CLIP1: variants seen among roughly 807,000 people sequenced by gnomAD.
CLIP1 encodes CAP-Gly domain containing linker protein 1, also known as CAP-Gly domain-containing linker protein 1.
A neutral mutation model predicts 161.6 loss-of-function variants in CLIP1; 66 were observed. The observed-to-expected ratio is 0.41, with a 90% confidence interval of 0.33 to 0.50. The LOEUF (loss-of-function observed/expected upper bound fraction) is 0.50, where lower values mean the gene tolerates loss of function less well. Ranked by LOEUF, CLIP1 falls within the 20% of genes least tolerant of loss-of-function variation. The pLI, the probability that CLIP1 is intolerant of heterozygous loss-of-function variation, is 0.27. For missense variants in CLIP1, 1,376 were observed against 1,702.0 expected (o/e 0.81, Z 3.37); for synonymous variants, 598 against 626.2 (o/e 0.96, Z 0.67).
intron 10 of CLIP1, among the ~76,000 whole-genome samples, chr12:122,345,454 C>A (rs1459598625): frequency 6.6e-6 from 1 of 152,014 alleles, no homozygotes; most frequent in Non-Finnish European, 1.5e-5. Flanking sequence ...AAACACCATG[C>A]CTGGCCCACT....
chr12:122,278,731 AG>A, intron 23 of CLIP1, 60 bp downstream of exon 23: 8 of 1,498,544 alleles, frequency 5.3e-6, no homozygotes, highest in Non-Finnish European at 6.2e-6. Context: ...CATCTCTACT[AG>A]AAAGGGCTCC....
chr12:122,331,882 C>A (rs145913229), intron 15 of CLIP1, among the ~76,000 whole-genome samples: 19 of 152,034 alleles, frequency 1.2e-4, no homozygotes, highest in African/African-American at 4.1e-4. Context: ...GTAGTCCCAG[C>A]TACTAGGGAG....
intron 20 of CLIP1, among the ~76,000 whole-genome samples, chr12:122,302,598 G>A (rs1047489050): frequency 3.3e-5 from 5 of 151,580 alleles, no homozygotes; most frequent in East Asian, 1.9e-4. Flanking sequence ...TTACACACAC[G>A]CACACACACA....
At chr12:122,295,756 C>G (rs980584332) in intron 20 of CLIP1, among the ~76,000 whole-genome samples, 2 of 152,178 alleles carry the variant, frequency 1.3e-5, no homozygotes, top group Non-Finnish European at 2.9e-5. Context: ...CTTTTTAATT[C>G]TGTCAGTTTT....
In CLIP1 at chr12:122,355,969, GCTCTT is replaced by G. The variant is rs1490514417; in HGVS notation, c.1006-662_1006-658del. The G allele has an allele frequency of 6.6e-6, 1 of 152,248 alleles. No homozygotes were observed. Among genetic ancestry groups the G allele is most frequent in the Non-Finnish European group, 1.5e-5 (1 of 68,050 alleles). The allele number at this position is 152,248 out of a possible 1,614,324, so 9.4% of individuals were successfully genotyped here. A position where few individuals can be genotyped will look rare whatever the true frequency, so the allele number is the denominator to read the frequency against. On this transcript the variant is annotated intron_variant, in intron 5 of 25. Coordinates refer to ENST00000620786, the MANE Select transcript of CLIP1 (RefSeq NM_001247997.2). The surrounding 1 kb of genome is among the most constrained non-coding windows in gnomAD (Gnocchi z 4.1). Reference sequence around the variant, plus strand: ...GAGCTGCTGCAGCTGTCGCCTGAAAGCTCTTCTCTTCATCGGTTTCCCTAGGCCCT... The same window carrying G: ...GAGCTGCTGCAGCTGTCGCCTGAAAGCTCTTCATCGGTTTCCCTAGGCCCT...
chr12:122,398,302 G>A (rs903066864), intron 1 of CLIP1, among the ~76,000 whole-genome samples: 1 of 150,398 alleles, frequency 6.6e-6, no homozygotes, highest in Non-Finnish European at 1.5e-5. Context: ...GGTGGCAGGC[G>A]CCTGTAATAC....
At position 122,354,318 on chromosome 12, in the gene CLIP1, C is replaced by T. The variant is rs1593142002; in HGVS notation, c.1307+135G>A. 1.3e-5 allele frequency: 7 copies of T among 557,116 alleles called. No individual in the cohort carries two copies. The East Asian group carries it at 2.5e-4, about 20-fold the overall frequency. The allele number at this position is 557,116 out of a possible 1,614,324, so 34.5% of individuals were successfully genotyped here. ...GCTGAGGCAGGAGAATTGCTTGAAC[C>T]TGGGAGGCAGAGGTTGTAGTGAGCT... is the stretch of plus-strand genomic sequence containing the variant. On this transcript the variant is annotated intron_variant, in intron 7 of 25. Transcript: ENST00000620786.
At chr12:122,388,520 T>G (rs942396220) in intron 1 of CLIP1, among the ~76,000 whole-genome samples, 2 of 151,808 alleles carry the variant, frequency 1.3e-5, no homozygotes, top group African/African-American at 2.4e-5. Context: ...CCCGGCCAAC[T>G]ATCTGTATTT....
rs563420289 is a variant in CLIP1, at chr12:122,345,631, A to T, written c.1506+1744T>A. Among the ~76,000 whole-genome samples, 40 of 152,262 alleles carry T rather than the reference A, an allele frequency of 2.6e-4. 1 individual carries two copies. The highest frequency in any genetic ancestry group is 9.6e-4 in the African/African-American group (40 of 41,554). On this transcript the variant is annotated intron_variant, in intron 10 of 25. Coordinates refer to ENST00000620786, the MANE Select transcript of CLIP1 (RefSeq NM_001247997.2). ...AGAGAAATTTCTACAAACACTAGAA[A>T]TTTTTTTAAAAATCAGGATAGCAAA...
In CLIP1 at chr12:122,379,215, G is replaced by A. The variant is rs1173882096; in HGVS notation, c.85+1153C>T. ...CCCAGCTACTCTGGAGGCTGAGGCA[G>A]GAGAATCGCTTGAACCTGGGAGGTG... On this transcript the variant is annotated intron_variant, in intron 2 of 25. Transcript: ENST00000620786. Among the ~76,000 whole-genome samples, 14 of 152,094 alleles carry A rather than the reference G, an allele frequency of 9.2e-5. No individual in the cohort carries two copies. In the East Asian group the frequency reaches 2.7e-3, roughly 29 times the overall value.
At chr12:122,327,371 T>G (rs951768357) in intron 17 of CLIP1, among the ~76,000 whole-genome samples, 4 of 152,152 alleles carry the variant, frequency 2.6e-5, no homozygotes, top group African/African-American at 9.7e-5. Flanking sequence ...CTCTATCTAC[T>G]AACAAGGTGT....
intron 1 of CLIP1, among the ~76,000 whole-genome samples, chr12:122,386,466 A>G (rs978531251): frequency 1.3e-5 from 2 of 152,210 alleles, no homozygotes; most frequent in African/African-American, 4.8e-5. Context: ...CAGGTACACC[A>G]TTGTTATGGA....
chr12:122,313,181 A>C lies in CLIP1; in HGVS notation c.3474-3299T>G, dbSNP rs113463427. Among the ~76,000 whole-genome samples, 48 of 152,308 alleles carry C rather than the reference A, an allele frequency of 3.2e-4. 1 individual carries two copies. Among genetic ancestry groups the C allele is most frequent in the African/African-American group, 1.1e-3 (47 of 41,580 alleles). The stretch of plus-strand genomic sequence containing the variant: ...AGCCATATTGTGCCAAGTCACTGAC[A>C]GGAAGATGTGATTCCCTCAGGTCTG... On this transcript the variant is annotated intron_variant, in intron 19 of 25. Transcript: ENST00000620786.
chr12:122,285,692 G>A (rs1387309833), intron 21 of CLIP1, among the ~76,000 whole-genome samples: 1 of 147,778 alleles, frequency 6.8e-6, no homozygotes, highest in African/African-American at 2.5e-5. Context: ...GCCCAGGCTG[G>A]TCTTGAACTC....
intron 24 of CLIP1, chr12:122,276,870 A>G (rs1488491419): frequency 6.0e-6 from 1 of 167,004 alleles, no homozygotes; most frequent in Non-Finnish European, 1.3e-5. Flanking sequence ...CATGTTGCGC[A>G]GGCTGGTCTC....
At chr12:122,289,726 G>A (rs143463574) in intron 20 of CLIP1, among the ~76,000 whole-genome samples, 95 of 151,286 alleles carry the variant, frequency 6.3e-4, no homozygotes, top group African/African-American at 2.1e-3. Flanking sequence ...TTAATCTTGT[G>A]AAGGAGGAAT....
rs1566141784 is a variant in CLIP1 at position 122,341,371 on chromosome 12, A to C, written c.1833T>G (p.His611Gln). ...TCACATCTGAGTTCTCTTTGTTGGC[A>C]TGCTCCAGCTTGCTTTTCAATGACT... ...ENESLKSKLE[H>Q]ANKENSDVIA... The change falls in exon 11 of 26, where the codon CAT becomes CAG. Residue 611 changes from histidine (H) to glutamine (Q), a missense_variant. Coordinates refer to ENST00000620786, the MANE Select transcript of CLIP1 (RefSeq NM_001247997.2). 1 of 1,613,986 alleles carries C rather than the reference A, an allele frequency of 6.2e-7. No individual in the cohort carries two copies. The highest frequency in any genetic ancestry group is 8.5e-7 in the Non-Finnish European group (1 of 1,180,034).
intron 1 of CLIP1, among the ~76,000 whole-genome samples, chr12:122,417,744 C>T (rs1017296270): frequency 2.0e-5 from 3 of 152,048 alleles, no homozygotes; most frequent in Admixed American, 6.6e-5. Flanking sequence ...AATCTCCTGA[C>T]CTCGTGATCC....
intron 18 of CLIP1, among the ~76,000 whole-genome samples, chr12:122,318,917 G>GA (rs1245964090): frequency 6.6e-6 from 1 of 152,108 alleles, no homozygotes; most frequent in Non-Finnish European, 1.5e-5. Flanking sequence ...AAAGAGAAGA[G>GA]AAAAAACAAT....
Sources: gnomAD v4.1 joint callset for allele counts (sites outside exome capture counted in the v4.1 genomes callset) on GRCh38, gnomAD v4.1.1 for gene constraint, Gnocchi (gnomAD v3.1) non-coding constraint, MANE v1.5 for transcripts, NCBI Gene and HGNC (gene_info 2026-07-23, HGNC 2026-07-21) for gene names.